The following EXOC3L2 variants were observed in gnomAD, a reference collection of about 807,000 sequenced individuals.
The protein encoded by EXOC3L2 is exocyst complex component 3 like 2.
EXOC3L2 carries 17 observed loss-of-function variants against 44.4 expected under a neutral mutation model. That is an observed-to-expected ratio of 0.38 (90% CI 0.26 to 0.57). The LOEUF is 0.57. Among genes scored for constraint, EXOC3L2 ranks in the 20% least tolerant of loss-of-function variants. The probability of loss-of-function intolerance (pLI) is 0.65; values close to 1 mark genes in which losing one functional copy is unlikely to be tolerated. For synonymous variants in EXOC3L2, 256 were observed against 253.7 expected (o/e 1.01, Z -0.09); for missense variants, 541 against 588.4 (o/e 0.92, Z 0.83).
chr19:45,213,336 G>A lies in EXOC3L2; in HGVS notation c.2142C>T (p.Leu714=). 2.5e-6 allele frequency: 4 copies of A among 1,613,632 alleles called. No individual in the cohort carries two copies. The highest frequency in any genetic ancestry group is 3.4e-6 in the Non-Finnish European group (4 of 1,179,790). The change falls in exon 12 of 12, where the codon CTC becomes CTT. Residue 714 remains leucine, a synonymous_variant. Transcript: ENST00000413988. ...PDIRQKHVAA[L]LDIRGLRNTA... The stretch of plus-strand genomic sequence containing the variant: ...TGTTGCGCAGGCCACGGATGTCGAG[G>A]AGGGCTGCCACGTGCTTCTGCCTGT...
At chr19:45,237,387 G>A (rs926294704) in intron 2 of EXOC3L2, among the ~76,000 whole-genome samples, 2 of 152,122 alleles carry the variant, frequency 1.3e-5, no homozygotes, top group Admixed American at 6.6e-5. Flanking sequence ...TGTAGTCCCA[G>A]CTACTCTGGT....
At chr19:45,243,864 G>A (rs1949853483) in intron 1 of EXOC3L2, among the ~76,000 whole-genome samples, 1 of 151,968 alleles carries the variant, frequency 6.6e-6, no homozygotes, top group African/African-American at 2.4e-5. Context: ...TCCTGACCTT[G>A]TGATCCGCCT....
chr19:45,224,884 CCCA>C lies in EXOC3L2; in HGVS notation c.1610_1612del (p.Val537del). ...CCGGGCCGGCTCGCTTTCTGGGGGC[CCCA>C]CCCGGGCCAGGCGCTCGGCCAGAGC... On this transcript the variant is annotated inframe_deletion, in exon 8 of 12. Coordinates refer to ENST00000413988, the MANE Select transcript of EXOC3L2 (RefSeq NM_001382422.1). The C allele has an allele frequency of 1.3e-6, 2 of 1,562,810 alleles. No individual in the cohort carries two copies. The highest frequency in any genetic ancestry group is 1.7e-6 in the Non-Finnish European group (2 of 1,152,424).
intron 2 of EXOC3L2, among the ~76,000 whole-genome samples, chr19:45,237,082 G>A (rs747735039): frequency 3.8e-4 from 58 of 151,858 alleles, no homozygotes; most frequent in Non-Finnish European, 8.1e-4. Flanking sequence ...CTGGGGTTGG[G>A]GGTTAAGAGT....
Position 45,213,959 on chromosome 19 carries a change from T to TA in EXOC3L2, c.2121-603dup, listed in dbSNP as rs146118473. ...ACACAGCGAGACTCCATTTCAAAAGTAAAAAAAAGAAAGAAACCTTGTACC... is the reference window on the plus strand; with the variant it reads ...ACACAGCGAGACTCCATTTCAAAAGTAAAAAAAAAGAAAGAAACCTTGTACC... On this transcript the variant is annotated intron_variant, in intron 11 of 11. Coordinates refer to ENST00000413988, the MANE Select transcript of EXOC3L2 (RefSeq NM_001382422.1). 8.8e-3 allele frequency among the ~76,000 whole-genome samples: 1,325 copies of TA among 151,136 alleles called. 23 individuals are homozygous for TA. Among genetic ancestry groups the TA allele is most frequent in the African/African-American group, 0.03 (1,236 of 41,172 alleles).
At chr19:45,220,505 T>C (rs1253923253) in intron 8 of EXOC3L2, among the ~76,000 whole-genome samples, 1 of 151,948 alleles carries the variant, frequency 6.6e-6, no homozygotes, top group East Asian at 1.9e-4. Context: ...AAACTCTTTT[T>C]CCCCCTGCCC....
intron 4 of EXOC3L2, among the ~76,000 whole-genome samples, chr19:45,231,166 T>C (rs1970027301): frequency 6.6e-6 from 1 of 152,186 alleles, no homozygotes; most frequent in Non-Finnish European, 1.5e-5. Context: ...TCTAGGCTCT[T>C]AAGTAGCATT....
At chr19:45,227,284 A>AT (rs370002406) in intron 7 of EXOC3L2, among the ~76,000 whole-genome samples, 30 of 146,938 alleles carry the variant, frequency 2.0e-4, no homozygotes, top group East Asian at 6.2e-4. Context: ...TGCCCGGCTA[A>AT]TTTTTTTTTG....
At chr19:45,243,728 A>C (rs1410434706) in intron 1 of EXOC3L2, among the ~76,000 whole-genome samples, 1 of 151,694 alleles carries the variant, frequency 6.6e-6, no homozygotes, top group African/African-American at 2.4e-5. Context: ...TCCAGGGTTC[A>C]AGCGATTTCT....
chr19:45,223,738 TC>T (rs1172169856), intron 8 of EXOC3L2, among the ~76,000 whole-genome samples: 1 of 146,818 alleles, frequency 6.8e-6, no homozygotes, highest in Non-Finnish European at 1.5e-5. Context: ...ACACCTGTAA[TC>T]CCAGCACTTT....
In EXOC3L2 at chr19:45,238,989, G is replaced by A. The variant is rs914823768; in HGVS notation, c.57C>T (p.Thr19=). The A allele has an allele frequency of 1.0e-5, 4 of 398,950 alleles. No homozygotes were observed. The highest frequency in any genetic ancestry group is 8.2e-5 in the African/African-American group (4 of 48,598). 24.7% of individuals were successfully genotyped at this position (398,950 alleles called of 1,614,324 possible). ...VSDPKVPRAG[T]LPLRSSRNPF... Reference sequence around the variant, plus strand: ...GGTTCCGAGAGGACCTCAGGGGCAGGGTCCCCGCCCGGGGCACCTTAGGGT... The same window carrying A: ...GGTTCCGAGAGGACCTCAGGGGCAGAGTCCCCGCCCGGGGCACCTTAGGGT... Residue 19 remains threonine (T), a synonymous_variant, in exon 2 of 12, where the codon ACC becomes ACT. Coordinates refer to ENST00000413988, the MANE Select transcript of EXOC3L2 (RefSeq NM_001382422.1). The surrounding 1 kb of genome is among the most constrained non-coding windows in gnomAD (Gnocchi z 5.5).
intron 7 of EXOC3L2, 34 bp downstream of exon 7, chr19:45,227,628 G>A (rs1038441463): frequency 6.4e-7 from 1 of 1,569,924 alleles, no homozygotes; most frequent in Non-Finnish European, 8.7e-7. Context: ...ACCTTGGATT[G>A]GTCCTCCCTC....
chr19:45,223,765 G>T (rs1969924288), intron 8 of EXOC3L2, among the ~76,000 whole-genome samples: 1 of 150,596 alleles, frequency 6.6e-6, no homozygotes, highest in Non-Finnish European at 1.5e-5. Flanking sequence ...GCCGAGGTGG[G>T]CAGATCACAT....
chr19:45,215,049 G>A (rs779155195), intron 11 of EXOC3L2, among the ~76,000 whole-genome samples: 10 of 152,100 alleles, frequency 6.6e-5, no homozygotes, highest in Non-Finnish European at 1.5e-4. Flanking sequence ...GGGAGGCTGA[G>A]GCACAATAAT....
intron 1 of EXOC3L2, among the ~76,000 whole-genome samples, chr19:45,242,861 CAAAAAAAAAAA>C (rs56175442): frequency 1.2e-5 from 1 of 85,634 alleles, no homozygotes; most frequent in Non-Finnish European, 2.2e-5. Context: ...AACTCCATCT[CAAAAAAAAAAA>C]AAAAAAAAAA....
intron 8 of EXOC3L2, among the ~76,000 whole-genome samples, chr19:45,219,393 C>CAAAA (rs950797638): frequency 0.017 from 850 of 51,512 alleles, 28 homozygotes; most frequent in African/African-American, 0.058. Flanking sequence ...GGCCCCGTCT[C>CAAAA]AAAAAAAAAA....
intron 8 of EXOC3L2, among the ~76,000 whole-genome samples, chr19:45,222,578 C>G (rs1969909650): frequency 6.6e-6 from 1 of 152,062 alleles, no homozygotes; most frequent in Middle Eastern, 3.2e-3. Flanking sequence ...CCTCACCTAT[C>G]TTGTTTTCTC....
intron 4 of EXOC3L2, among the ~76,000 whole-genome samples, chr19:45,231,445 G>T: frequency 8.7e-6 from 1 of 114,398 alleles, no homozygotes; most frequent in Middle Eastern, 0.01. Flanking sequence ...GCAACAGAGC[G>T]AGACCCTGCC....
chr19:45,225,486 T>C (rs922957553), intron 7 of EXOC3L2, among the ~76,000 whole-genome samples: 1 of 151,982 alleles, frequency 6.6e-6, no homozygotes, highest in African/African-American at 2.4e-5. Context: ...GCCAGGATGG[T>C]CTCGATCTCC....
Sources: gnomAD v4.1 joint callset for allele counts (sites outside exome capture counted in the v4.1 genomes callset) on GRCh38, gnomAD v4.1.1 for gene constraint, Gnocchi (gnomAD v3.1) non-coding constraint, MANE v1.5 for transcripts, NCBI Gene and HGNC (gene_info 2026-07-23, HGNC 2026-07-21) for gene names.